SLC5A1: variants seen among roughly 807,000 people sequenced by gnomAD.
The protein encoded by SLC5A1 is solute carrier family 5 member 1, also known as sodium/glucose cotransporter 1.
Under a neutral mutation model 73.5 loss-of-function variants are expected in SLC5A1, and 42 were observed. The ratio of observed to expected loss-of-function variants is 0.57; its 90% CI spans 0.45 to 0.74. SLC5A1 has a LOEUF of 0.74. Ranked by LOEUF, SLC5A1 falls within the 30% of genes least tolerant of loss-of-function variation. SLC5A1 has a pLI of 0.00. For synonymous variants in SLC5A1, 300 were observed against 317.4 expected (o/e 0.95, Z 0.58); for missense variants, 634 against 855.4 (o/e 0.74, Z 3.23).
intron 5 of SLC5A1, among the ~76,000 whole-genome samples, chr22:32,078,129 C>T (rs539010844): frequency 1.3e-5 from 2 of 152,226 alleles, no homozygotes; most frequent in Middle Eastern, 3.4e-3. Flanking sequence ...TTAGGGGCTG[C>T]AGAACATAAC....
At chr22:32,075,678 T>A (rs1001046550) in intron 5 of SLC5A1, among the ~76,000 whole-genome samples, 4 of 150,366 alleles carry the variant, frequency 2.7e-5, no homozygotes, top group African/African-American at 9.8e-5. Flanking sequence ...TTGCCAAGAG[T>A]AGGATTTGAG....
At chr22:32,097,081 G>A (rs1260595021) in intron 11 of SLC5A1, among the ~76,000 whole-genome samples, 1 of 152,218 alleles carries the variant, frequency 6.6e-6, no homozygotes, top group Non-Finnish European at 1.5e-5. Context: ...AAAATGTTTT[G>A]TTGCCTCGTT....
intron 13 of SLC5A1, among the ~76,000 whole-genome samples, chr22:32,103,519 G>A (rs1241888578): frequency 6.6e-6 from 1 of 152,220 alleles, no homozygotes; most frequent in Non-Finnish European, 1.5e-5. Context: ...CTTATTCTCT[G>A]AAACCTGCTC....
At chr22:32,100,447 G>C (rs1170471526) in intron 12 of SLC5A1, among the ~76,000 whole-genome samples, 3 of 152,080 alleles carry the variant, frequency 2.0e-5, no homozygotes, top group African/African-American at 7.2e-5. Context: ...TCCCTGTTCA[G>C]TATGATGTCA....
At position 32,060,144 on chromosome 22, in the gene SLC5A1, T is replaced by C. The variant is rs150202446; in HGVS notation, c.208-6791T>C. ...ATACATACACACATATATATACACATACACACACACACACACACACACACA... is the reference window on the plus strand; with the variant it reads ...ATACATACACACATATATATACACACACACACACACACACACACACACACA... On this transcript the variant is annotated intron_variant, in intron 2 of 14. Coordinates refer to ENST00000266088, the MANE Select transcript of SLC5A1 (RefSeq NM_000343.4). 4.9e-4 allele frequency among the ~76,000 whole-genome samples: 61 copies of C among 125,130 alleles called. 1 individual carries two copies. The highest frequency in any genetic ancestry group is 1.7e-3 in the African/African-American group (44 of 25,806). The allele number at this position is 125,130 out of a possible 152,430, so 82.1% of individuals were successfully genotyped here.
intron 11 of SLC5A1, among the ~76,000 whole-genome samples, chr22:32,094,054 T>A (rs956981753): frequency 1.3e-5 from 2 of 152,192 alleles, no homozygotes; most frequent in Admixed American, 6.5e-5. Context: ...CATAAATGGA[T>A]GCTGGATTTT....
At chr22:32,091,298 AAC>A (rs67059150) in intron 10 of SLC5A1, among the ~76,000 whole-genome samples, 19,044 of 138,760 alleles carry the variant, frequency 0.14, 1,217 homozygotes, top group East Asian at 0.29. Flanking sequence ...CACATACACA[AAC>A]ACACACACAC....
At chr22:32,045,955 A>C (rs2093936610) in intron 1 of SLC5A1, among the ~76,000 whole-genome samples, 1 of 152,240 alleles carries the variant, frequency 6.6e-6, no homozygotes, top group Non-Finnish European at 1.5e-5. Context: ...AAAAAGAAAT[A>C]ACAAAACAAG....
At chr22:32,082,487 C>CT (rs918530110) in intron 6 of SLC5A1, among the ~76,000 whole-genome samples, 1 of 152,120 alleles carries the variant, frequency 6.6e-6, no homozygotes, top group Admixed American at 6.5e-5. Flanking sequence ...GTGTCAGGGA[C>CT]TGGGAGCCCC....
At chr22:32,071,752 C>G (rs1308895218) in intron 5 of SLC5A1, among the ~76,000 whole-genome samples, 1 of 151,928 alleles carries the variant, frequency 6.6e-6, no homozygotes, top group African/African-American at 2.4e-5. Flanking sequence ...AAAGATCTGC[C>G]CTGGGTGAGA....
At chr22:32,067,355 T>TTGTTA (rs199755449) in intron 3 of SLC5A1, among the ~76,000 whole-genome samples, 1 of 149,936 alleles carries the variant, frequency 6.7e-6, no homozygotes, top group African/African-American at 2.4e-5. Flanking sequence ...ATTATTATTA[T>TTGTTA]TTTTTTTAAA....
intron 10 of SLC5A1, among the ~76,000 whole-genome samples, chr22:32,087,438 C>G (rs550594737): frequency 1.3e-5 from 2 of 152,192 alleles, no homozygotes; most frequent in East Asian, 3.9e-4. Flanking sequence ...GAACTAGGTC[C>G]AAGGGGTTTT....
At chr22:32,098,862 G>A (rs866413256) in intron 11 of SLC5A1, among the ~76,000 whole-genome samples, 7 of 151,618 alleles carry the variant, frequency 4.6e-5, no homozygotes, top group East Asian at 1.9e-4. Flanking sequence ...CGAGGCGGGC[G>A]GATCACGAGG....
chr22:32,054,714 C>T (rs1282433939), intron 2 of SLC5A1, among the ~76,000 whole-genome samples: 2 of 152,058 alleles, frequency 1.3e-5, no homozygotes, highest in African/African-American at 4.8e-5. Context: ...ACTCTGTTGC[C>T]CAGTCTGGAG....
At chr22:32,071,494 G>A (rs1246064486) in intron 5 of SLC5A1, among the ~76,000 whole-genome samples, 1 of 152,106 alleles carries the variant, frequency 6.6e-6, no homozygotes, top group Non-Finnish European at 1.5e-5. Context: ...TAACGAACAT[G>A]GTTAACTGAG....
intron 7 of SLC5A1, among the ~76,000 whole-genome samples, chr22:32,083,896 G>A (rs1457336415): frequency 1.3e-5 from 2 of 152,138 alleles, no homozygotes; most frequent in Non-Finnish European, 2.9e-5. Context: ...GGCAGGCAGT[G>A]GAATGACTTA....
chr22:32,065,112 T>A (rs906603635), intron 2 of SLC5A1, among the ~76,000 whole-genome samples: 1 of 151,950 alleles, frequency 6.6e-6, no homozygotes, highest in Non-Finnish European at 1.5e-5. Context: ...CCCAGCTAAG[T>A]TTTTACATTT....
At chr22:32,100,912 T>C (rs2094035215) in intron 12 of SLC5A1, among the ~76,000 whole-genome samples, 2 of 152,092 alleles carry the variant, frequency 1.3e-5, no homozygotes, top group African/African-American at 4.8e-5. Flanking sequence ...AGAGAACTAT[T>C]GTGATTCCAT....
At chr22:32,096,869 T>C (rs1478522037) in intron 11 of SLC5A1, among the ~76,000 whole-genome samples, 1 of 152,074 alleles carries the variant, frequency 6.6e-6, no homozygotes, top group Non-Finnish European at 1.5e-5. Flanking sequence ...ATTTTCAAGA[T>C]TGGAATGAAC....
Sources: gnomAD v4.1 joint callset for allele counts (sites outside exome capture counted in the v4.1 genomes callset) on GRCh38, gnomAD v4.1.1 for gene constraint, MANE v1.5 for transcripts, NCBI Gene and HGNC (gene_info 2026-07-23, HGNC 2026-07-21) for gene names.